Variants in RABGAP1L observed in about 807,000 individuals in gnomAD.
RABGAP1L encodes RAB GTPase activating protein 1 like, also known as rab GTPase-activating protein 1-like.
In RABGAP1L, 63 loss-of-function variants were observed where a neutral mutation model predicts 137.7. That is an observed-to-expected ratio of 0.46 (90% CI 0.37 to 0.56). The LOEUF is 0.56. Ranked by LOEUF, RABGAP1L falls within the 20% of genes least tolerant of loss-of-function variation. The pLI is 0.00. For missense variants in RABGAP1L, 1,095 were observed against 1,244.0 expected, an observed-to-expected ratio of 0.88 and a Z score of 1.80; for synonymous variants, 431 against 433.7, an observed-to-expected ratio of 0.99 and a Z score of 0.08.
At chr1:174,900,150 A>G (rs763867943) in intron 19 of RABGAP1L, among the ~76,000 whole-genome samples, 2 of 152,242 alleles carry the variant, frequency 1.3e-5, no homozygotes, top group African/African-American at 2.4e-5. Context: ...ATGTACTTCA[A>G]GGTTGCCAGT....
chr1:174,660,303 C>A (rs1480561174), intron 14 of RABGAP1L, among the ~76,000 whole-genome samples: 2 of 152,094 alleles, frequency 1.3e-5, no homozygotes, highest in Non-Finnish European at 2.9e-5. Context: ...ATAATAAGCC[C>A]AGCACAGACT....
chr1:174,698,793 A>G (rs962415082), intron 15 of RABGAP1L, among the ~76,000 whole-genome samples: 1 of 152,060 alleles, frequency 6.6e-6, no homozygotes, highest in African/African-American at 2.4e-5. Flanking sequence ...TTTATGTGGG[A>G]TGGGACAAAA....
intron 14 of RABGAP1L, among the ~76,000 whole-genome samples, chr1:174,642,693 GTC>G (rs768491657): frequency 1.1e-4 from 13 of 119,786 alleles, no homozygotes; most frequent in African/African-American, 3.0e-4. Context: ...TCCTTTCTCT[GTC>G]TCTCTCTCTT....
At chr1:174,541,461 T>C (rs1665419417) in intron 13 of RABGAP1L, among the ~76,000 whole-genome samples, 1 of 152,144 alleles carries the variant, frequency 6.6e-6, no homozygotes, top group Admixed American at 6.5e-5. Flanking sequence ...TTGAGATATG[T>C]CCCATCAATA....
rs1685178820 is a variant in RABGAP1L at position 174,761,026 on chromosome 1, T to C, written c.2211+8672T>C. Reference sequence around the variant, plus strand: ...GACAGTTGATAATTGTATTAGTTCATTTTCACACTGCTGATAAAGACATAC... The same window carrying C: ...GACAGTTGATAATTGTATTAGTTCACTTTCACACTGCTGATAAAGACATAC... On this transcript the variant is annotated intron_variant, in intron 18 of 25. Transcript: ENST00000681986. The surrounding 1 kb of genome is among the most constrained non-coding windows in gnomAD (Gnocchi z 4.0). Among the ~76,000 whole-genome samples, 1 of 152,202 alleles carries C rather than the reference T, an allele frequency of 6.6e-6. No individual in the cohort carries two copies. The highest frequency in any genetic ancestry group is 1.5e-5 in the Non-Finnish European group (1 of 68,034).
intron 4 of RABGAP1L, among the ~76,000 whole-genome samples, chr1:174,240,198 A>G (rs937544360): frequency 6.6e-6 from 1 of 151,994 alleles, no homozygotes; most frequent in African/African-American, 2.4e-5. Flanking sequence ...GAATGTGTAG[A>G]TCAGTCCAGG....
At chr1:174,686,357 G>C (rs1678456753) in intron 15 of RABGAP1L, among the ~76,000 whole-genome samples, 1 of 151,926 alleles carries the variant, frequency 6.6e-6, no homozygotes, top group Admixed American at 6.6e-5. Context: ...CTGTCTTCTT[G>C]TTATCCTTCT....
rs193114819 is a variant in RABGAP1L, at chr1:174,823,440, A to G, written c.2340+11480A>G. ...TATTTATTTATTATCACTTGAATTC[A>G]TATTAACATTATGTTTAAAGTGTGC... On this transcript the variant is annotated intron_variant, in intron 19 of 25. Transcript: ENST00000681986. Among the ~76,000 whole-genome samples the G allele has an allele frequency of 2.0e-5, 3 of 152,336 alleles. No individual in the cohort carries two copies. The East Asian group carries it at 5.8e-4, about 29-fold the overall frequency.
chr1:174,828,112 A>G (rs956844285), intron 19 of RABGAP1L, among the ~76,000 whole-genome samples: 7 of 148,454 alleles, frequency 4.7e-5, no homozygotes, highest in Non-Finnish European at 4.5e-5. Flanking sequence ...TTAAGAAGCC[A>G]GATGGCAGAC....
chr1:174,615,701 C>A (rs1671769564), intron 13 of RABGAP1L, among the ~76,000 whole-genome samples: 1 of 152,214 alleles, frequency 6.6e-6, no homozygotes. Context: ...CAGAGGCAGG[C>A]AGGCCTCCTT....
intron 25 of RABGAP1L, among the ~76,000 whole-genome samples, chr1:174,989,224 T>C (rs10218684): frequency 0.013 from 1,916 of 152,294 alleles, 39 homozygotes; most frequent in African/African-American, 0.044. Context: ...CTGACACCCG[T>C]TCTTTCCTTT....
intron 13 of RABGAP1L, among the ~76,000 whole-genome samples, chr1:174,402,071 A>G (rs16846949): frequency 0.21 from 31,752 of 152,082 alleles, 3,661 homozygotes; most frequent in Admixed American, 0.24. Context: ...ACTGCCCCTC[A>G]GTAGATGCTA....
chr1:174,878,856 AT>A (rs1653612227), intron 19 of RABGAP1L, among the ~76,000 whole-genome samples: 1 of 151,592 alleles, frequency 6.6e-6, no homozygotes, highest in African/African-American at 2.4e-5. Flanking sequence ...ATTGAGAAAA[AT>A]TTGAATTTGA....
intron 17 of RABGAP1L, among the ~76,000 whole-genome samples, chr1:174,726,441 CT>C (rs889158649): frequency 6.1e-5 from 9 of 148,442 alleles, no homozygotes; most frequent in African/African-American, 1.2e-4. Context: ...TAGGGTACAT[CT>C]TTTTTTTTTA....
intron 17 of RABGAP1L, among the ~76,000 whole-genome samples, chr1:174,725,321 A>G (rs1293777984): frequency 6.6e-6 from 1 of 152,226 alleles, no homozygotes; most frequent in African/African-American, 2.4e-5. Context: ...GTCTCCCAAG[A>G]AAAATACCTG....
At chr1:174,685,924 A>G (rs1481550656) in intron 15 of RABGAP1L, among the ~76,000 whole-genome samples, 1 of 152,194 alleles carries the variant, frequency 6.6e-6, no homozygotes, top group African/African-American at 2.4e-5. Context: ...AGGTGGAGAT[A>G]TATGTTCAGC....
chr1:174,600,201 A>G (rs1366205607), intron 13 of RABGAP1L, among the ~76,000 whole-genome samples: 1 of 152,178 alleles, frequency 6.6e-6, no homozygotes, highest in African/African-American at 2.4e-5. Flanking sequence ...GGGAAAGACC[A>G]TCCCCCATGA....
At chr1:174,220,497 G>A (rs1377140335) in intron 2 of RABGAP1L, among the ~76,000 whole-genome samples, 6 of 151,984 alleles carry the variant, frequency 3.9e-5, no homozygotes, top group Admixed American at 3.3e-4. Flanking sequence ...GGGAAATCCC[G>A]TCTCTACAAA....
intron 16 of RABGAP1L, among the ~76,000 whole-genome samples, chr1:174,700,141 G>T (rs1032006157): frequency 6.6e-6 from 1 of 152,100 alleles, no homozygotes; most frequent in African/African-American, 2.4e-5. Flanking sequence ...TGTTGTTGTT[G>T]TGCTTTACAA....
Sources: allele counts gnomAD v4.1 joint callset (sites outside exome capture counted in the v4.1 genomes callset), GRCh38; gene constraint gnomAD v4.1.1; non-coding constraint Gnocchi (gnomAD v3.1); transcripts MANE v1.5; gene names NCBI Gene and HGNC (gene_info 2026-07-23, HGNC 2026-07-21).